HMGCLL1: variants seen among roughly 807,000 people sequenced by gnomAD.
The protein encoded by HMGCLL1 is 3-hydroxymethyl-3-methylglutaryl-CoA lyase, cytoplasmic.
In HMGCLL1, 36 loss-of-function variants were observed where a neutral mutation model predicts 39.1. The observed-to-expected ratio is 0.92, with a 90% CI of 0.71 to 1.22. The LOEUF (loss-of-function observed/expected upper bound fraction) is 1.22. Ranked by LOEUF, HMGCLL1 falls within the 50% of genes most tolerant of loss-of-function variation. The pLI is 0.00. For missense variants in HMGCLL1, 451 were observed against 416.5 expected (o/e 1.08, Z -0.72); for synonymous variants, 149 against 144.0 (o/e 1.03, Z -0.25).
At chr6:55,653,059 C>T in the HMGCLL1 span, among the ~76,000 whole-genome samples, 1 of 151,986 alleles carries the variant, frequency 6.6e-6, no homozygotes, top group Admixed American at 6.6e-5. Flanking sequence ...AGGAAGAACT[C>T]ATGTTTATAG....
intron 5 of HMGCLL1, among the ~76,000 whole-genome samples, chr6:55,510,160 T>C (rs1390361001): frequency 6.6e-6 from 1 of 152,020 alleles, no homozygotes; most frequent in Non-Finnish European, 1.5e-5. Flanking sequence ...ATGTTAAATA[T>C]ACTCTTCTTT....
chr6:55,541,996 A>G, intron 2 of HMGCLL1, 64 bp downstream of exon 2: 2 of 1,129,638 alleles, frequency 1.8e-6, no homozygotes, highest in East Asian at 2.5e-5. Context: ...AATCCATGTA[A>G]ATCTTTACAA....
intron 3 of HMGCLL1, among the ~76,000 whole-genome samples, chr6:55,522,375 C>G (rs531295819): frequency 1.3e-5 from 2 of 151,914 alleles, no homozygotes; most frequent in African/African-American, 4.8e-5. Context: ...TACCTATCAC[C>G]CTTTACTTCT....
intron 7 of HMGCLL1, 166 bp from the exon 8 acceptor site, chr6:55,439,725 C>A (rs562272305): frequency 3.8e-6 from 2 of 531,794 alleles, no homozygotes; most frequent in South Asian, 3.9e-5. Context: ...GTGCTTATTT[C>A]TTTTATGTCT....
At chr6:55,491,925 T>C (rs1299953359) in intron 7 of HMGCLL1, among the ~76,000 whole-genome samples, 3 of 151,432 alleles carry the variant, frequency 2.0e-5, no homozygotes, top group Non-Finnish European at 2.9e-5. Context: ...TATATTTAAG[T>C]AATAAAAAAA....
the HMGCLL1 span, among the ~76,000 whole-genome samples, chr6:55,635,566 T>C: frequency 1.3e-5 from 2 of 152,316 alleles, no homozygotes; most frequent in East Asian, 1.9e-4. Context: ...ATACTGTCTG[T>C]CCAAGGTGCA....
chr6:55,476,951 TC>T (rs1405782980), intron 7 of HMGCLL1, among the ~76,000 whole-genome samples: 1 of 110,434 alleles, frequency 9.1e-6, no homozygotes, highest in Admixed American at 1.0e-4. Context: ...TGCTCTTAAA[TC>T]AAATTATGAA....
the HMGCLL1 span, among the ~76,000 whole-genome samples, chr6:55,651,962 G>A: frequency 6.6e-6 from 1 of 152,166 alleles, no homozygotes; most frequent in South Asian, 2.1e-4. Context: ...TGGCTGCAGG[G>A]AGGATGAAGG....
chr6:55,584,597 G>A, the HMGCLL1 span, among the ~76,000 whole-genome samples: 1 of 152,062 alleles, frequency 6.6e-6, no homozygotes, highest in Non-Finnish European at 1.5e-5. Flanking sequence ...GCCAAACTAG[G>A]CAGACTGACT....
chr6:55,504,630 C>A (rs1440473230), intron 5 of HMGCLL1, among the ~76,000 whole-genome samples: 1 of 151,266 alleles, frequency 6.6e-6, no homozygotes, highest in East Asian at 1.9e-4. Context: ...AATGTAAATA[C>A]TATGTAAGTA....
the HMGCLL1 span, among the ~76,000 whole-genome samples, chr6:55,626,901 T>G: frequency 6.6e-6 from 1 of 151,924 alleles, no homozygotes; most frequent in Non-Finnish European, 1.5e-5. Context: ...AGGAAGAGTA[T>G]GTATGGAATA....
chr6:55,508,109 T>C (rs1455656488), intron 5 of HMGCLL1, among the ~76,000 whole-genome samples: 2 of 151,722 alleles, frequency 1.3e-5, no homozygotes, highest in Non-Finnish European at 2.9e-5. Flanking sequence ...CCAGCCCTAG[T>C]TTAAAGAAGT....
chr6:55,587,981 A>T, the HMGCLL1 span, among the ~76,000 whole-genome samples: 1 of 152,158 alleles, frequency 6.6e-6, no homozygotes, highest in African/African-American at 2.4e-5. Flanking sequence ...CACTGTCAAC[A>T]TTAGACAAAT....
Position 55,477,516 on chromosome 6 carries a change from A to T in HMGCLL1, c.795+17903T>A, listed in dbSNP as rs533084603. Among the ~76,000 whole-genome samples, 213 of 82,884 alleles carry T rather than the reference A, an allele frequency of 2.6e-3. 11 individuals carry two copies. Among genetic ancestry groups the T allele is most frequent in the African/African-American group, 8.2e-3 (198 of 24,086 alleles). 54.4% of individuals were successfully genotyped at this position (82,884 alleles called of 152,430 possible). A position where few individuals can be genotyped will look rare whatever the true frequency, so the allele number is the denominator to read the frequency against. On this transcript the variant is annotated intron_variant, in intron 7 of 8. Transcript: ENST00000274901. ...TACATATTACATATATTATATATGT[A>T]ATTACATATATATATAATATATATA...
chr6:55,500,543 ATGTC>A (rs1327586511), intron 5 of HMGCLL1, among the ~76,000 whole-genome samples: 1 of 151,984 alleles, frequency 6.6e-6, no homozygotes, highest in African/African-American at 2.4e-5. Context: ...AAGTGTTAAA[ATGTC>A]AATTAAAACA....
chr6:55,565,699 T>A (rs1771178668), intron 1 of HMGCLL1, among the ~76,000 whole-genome samples: 1 of 152,080 alleles, frequency 6.6e-6, no homozygotes, highest in Non-Finnish European at 1.5e-5. Flanking sequence ...TGTTCCATCT[T>A]TTTTAGCTCA....
the HMGCLL1 span, among the ~76,000 whole-genome samples, chr6:55,631,113 G>T: frequency 5.9e-5 from 9 of 151,734 alleles, no homozygotes; most frequent in African/African-American, 2.2e-4. Flanking sequence ...CTAAGTTCTT[G>T]TACTTGAATA....
At chr6:55,562,785 A>C (rs1218244783) in intron 1 of HMGCLL1, among the ~76,000 whole-genome samples, 1 of 152,088 alleles carries the variant, frequency 6.6e-6, no homozygotes, top group African/African-American at 2.4e-5. Context: ...TACCTTATCA[A>C]TGCTTTCTCA....
intron 7 of HMGCLL1, among the ~76,000 whole-genome samples, chr6:55,448,551 T>G (rs1026021598): frequency 6.6e-6 from 1 of 152,050 alleles, no homozygotes. Context: ...TTCATAGTCA[T>G]TTCCTTCTTT....
Sources: allele counts gnomAD v4.1 joint callset (sites outside exome capture counted in the v4.1 genomes callset), GRCh38; gene constraint gnomAD v4.1.1; transcripts MANE v1.5; gene names NCBI Gene and HGNC (gene_info 2026-07-23, HGNC 2026-07-21).